The following DGKI variants were observed in gnomAD, a reference collection of about 807,000 sequenced individuals.
DGKI encodes the protein diacylglycerol kinase iota.
Under a neutral mutation model 147.5 loss-of-function variants are expected in DGKI, and 55 were observed. The ratio of observed to expected loss-of-function variants is 0.37; its 90% CI spans 0.30 to 0.47. The LOEUF (loss-of-function observed/expected upper bound fraction) is 0.47. Among genes scored for constraint, DGKI ranks in the 20% least tolerant of loss-of-function variants. DGKI has a pLI of 1.00. For synonymous variants in DGKI, 469 were observed against 477.1 expected (o/e 0.98, Z 0.22); for missense variants, 1,007 against 1,323.8 (o/e 0.76, Z 3.71).
intron 6 of DGKI, among the ~76,000 whole-genome samples, chr7:137,644,886 C>T (rs559961512): frequency 6.6e-6 from 1 of 152,242 alleles, no homozygotes; most frequent in African/African-American, 2.4e-5. Context: ...TAATAGTATA[C>T]AATCACAACA....
chr7:137,833,214 A>C (rs1798268874), intron 1 of DGKI, among the ~76,000 whole-genome samples: 1 of 152,138 alleles, frequency 6.6e-6, no homozygotes, highest in South Asian at 2.1e-4. Context: ...TCCTGGTACC[A>C]ATTTACTGTA....
chr7:137,658,766 A>G (rs1400049391), intron 3 of DGKI, among the ~76,000 whole-genome samples: 1 of 152,200 alleles, frequency 6.6e-6, no homozygotes, highest in Non-Finnish European at 1.5e-5. Context: ...CTGAGTCAAA[A>G]CATCTTTTGC....
At chr7:137,456,069 T>C (rs889920052) in intron 27 of DGKI, among the ~76,000 whole-genome samples, 3 of 152,178 alleles carry the variant, frequency 2.0e-5, no homozygotes, top group Non-Finnish European at 2.9e-5. Context: ...GGTGAATGCC[T>C]GGGAAACAAT....
chr7:137,456,464 T>C (rs111450940), intron 27 of DGKI, among the ~76,000 whole-genome samples: 5,803 of 152,238 alleles, frequency 0.038, 110 homozygotes, highest in South Asian at 0.072. Flanking sequence ...CTTCTATTCA[T>C]CCCAAAAGCC....
chr7:137,622,878 A>T (rs949160353), intron 7 of DGKI, among the ~76,000 whole-genome samples: 1 of 152,216 alleles, frequency 6.6e-6, no homozygotes, highest in African/African-American at 2.4e-5. Flanking sequence ...AAATAGGGAC[A>T]TTACCATCAG....
chr7:137,653,157 C>T (rs1035465907), intron 5 of DGKI, among the ~76,000 whole-genome samples: 4 of 152,214 alleles, frequency 2.6e-5, no homozygotes, highest in African/African-American at 4.8e-5. Flanking sequence ...CGCGCGTGCG[C>T]GCACTTAGCA....
In DGKI at chr7:137,722,553, A is replaced by C. The variant is rs139427206; in HGVS notation, c.402-32551T>G. The C allele has an allele frequency of 4.4e-6, 7 of 1,595,492 alleles. No homozygotes were observed. The East Asian group carries it at 1.6e-4, about 36-fold the overall frequency. The stretch of plus-strand genomic sequence containing the variant: ...TCAATCGAGTTCCTCTACGAAGAAC[A>C]CACCAGAAATTTGTCATTGCCACCT... On this transcript the variant is annotated intron_variant, in intron 1 of 32. Coordinates refer to ENST00000614521, the MANE Select transcript of DGKI (RefSeq NM_001321708.2).
intron 1 of DGKI, among the ~76,000 whole-genome samples, chr7:137,804,663 G>A (rs1346115608): frequency 6.6e-6 from 1 of 152,206 alleles, no homozygotes; most frequent in Non-Finnish European, 1.5e-5. Flanking sequence ...TCGATAACAA[G>A]CTTGGATGGG....
intron 1 of DGKI, among the ~76,000 whole-genome samples, chr7:137,839,263 T>G (rs772536861): frequency 6.6e-6 from 1 of 152,218 alleles, no homozygotes; most frequent in Non-Finnish European, 1.5e-5. Flanking sequence ...TGTGTTTTAA[T>G]AAGTTATGAA....
intron 1 of DGKI, among the ~76,000 whole-genome samples, chr7:137,693,203 G>A (rs2116470268): frequency 6.6e-6 from 1 of 152,188 alleles, no homozygotes; most frequent in South Asian, 2.1e-4. Flanking sequence ...GTTGGGAGTG[G>A]GATGAGGGGG....
chr7:137,813,885 G>C (rs1797662341), intron 1 of DGKI, among the ~76,000 whole-genome samples: 1 of 152,178 alleles, frequency 6.6e-6, no homozygotes, highest in Non-Finnish European at 1.5e-5. Flanking sequence ...TATTGAGTGA[G>C]ATGTGGGCAA....
At chr7:137,740,469 C>T (rs1016768438) in intron 1 of DGKI, among the ~76,000 whole-genome samples, 3 of 152,146 alleles carry the variant, frequency 2.0e-5, no homozygotes, top group Admixed American at 1.3e-4. Context: ...TCAGCAATGG[C>T]AGGTGTATGG....
In DGKI at chr7:137,720,543, C is replaced by T. The variant is rs373021115; in HGVS notation, c.402-30541G>A. Among the ~76,000 whole-genome samples, 9 of 152,154 alleles carry T rather than the reference C, an allele frequency of 5.9e-5. No individual in the cohort carries two copies. In the East Asian group the frequency reaches 1.7e-3, roughly 29 times the overall value. ...AAAGTGCTGGGATTACAGGTGTGAGCCACCGCGCCCGGCCGAAAAAGTCTT... is the reference window on the plus strand; with the variant it reads ...AAAGTGCTGGGATTACAGGTGTGAGTCACCGCGCCCGGCCGAAAAAGTCTT... On this transcript the variant is annotated intron_variant, in intron 1 of 32. Coordinates refer to ENST00000614521, the MANE Select transcript of DGKI (RefSeq NM_001321708.2).
intron 5 of DGKI, among the ~76,000 whole-genome samples, chr7:137,653,124 GTGTT>G (rs575142632): frequency 2.3e-4 from 35 of 152,308 alleles, no homozygotes; most frequent in Non-Finnish European, 4.6e-4. Context: ...GTGTGTATGT[GTGTT>G]TGTGTGTGTG....
At chr7:137,399,348 A>C (rs1435043164) in intron 30 of DGKI, among the ~76,000 whole-genome samples, 1 of 152,218 alleles carries the variant, frequency 6.6e-6, no homozygotes, top group African/African-American at 2.4e-5. Context: ...GAAACAACAA[A>C]GATTTAACTC....
At chr7:137,673,556 T>C (rs1199129356) in intron 3 of DGKI, among the ~76,000 whole-genome samples, 1 of 152,194 alleles carries the variant, frequency 6.6e-6, no homozygotes, top group African/African-American at 2.4e-5. Context: ...AGCAATACTT[T>C]AAATCAGGAA....
At chr7:137,722,885 A>C in intron 1 of DGKI, 2 of 637,458 alleles carry the variant, frequency 3.1e-6, no homozygotes, top group Non-Finnish European at 4.7e-6. Flanking sequence ...ATAGTTGACT[A>C]CGTTAAAAAA....
intron 1 of DGKI, among the ~76,000 whole-genome samples, chr7:137,708,708 A>G (rs1794121410): frequency 6.6e-6 from 1 of 152,240 alleles, no homozygotes; most frequent in Non-Finnish European, 1.5e-5. Flanking sequence ...TCTCAGGGGA[A>G]AAACCAGACA....
intron 1 of DGKI, among the ~76,000 whole-genome samples, chr7:137,808,145 C>T (rs574763636): frequency 3.9e-5 from 6 of 152,190 alleles, no homozygotes; most frequent in South Asian, 2.1e-4. Flanking sequence ...GTAAGGACAA[C>T]GTAGTAGATA....
Sources: allele counts gnomAD v4.1 joint callset (sites outside exome capture counted in the v4.1 genomes callset), GRCh38; gene constraint gnomAD v4.1.1; transcripts MANE v1.5; gene names NCBI Gene and HGNC (gene_info 2026-07-23, HGNC 2026-07-21).